The following PLXNA3 variants were observed in gnomAD, a reference collection of about 807,000 sequenced individuals.
PLXNA3 encodes plexin-A3.
PLXNA3 carries 52 observed loss-of-function variants against 118.8 expected under a neutral mutation model. The observed-to-expected ratio is 0.44, with a 90% CI of 0.35 to 0.55. PLXNA3 has a LOEUF of 0.55. PLXNA3 is among the 20% of genes least tolerant of loss of function. The pLI, the probability that PLXNA3 is intolerant of heterozygous loss-of-function variation, is 0.01. For synonymous variants in PLXNA3, 925 were observed against 762.4 expected, an observed-to-expected ratio of 1.21 and a Z score of -3.51; for missense variants, 1,660 against 1,730.8, an observed-to-expected ratio of 0.96 and a Z score of 0.73.
At chrX:154,462,974 C>T (rs2069002666) in intron 4 of PLXNA3, among the ~76,000 whole-genome samples, 1 of 111,354 alleles carries the variant, frequency 9.0e-6, no homozygotes, top group African/African-American at 3.3e-5. Context: ...GATGAACTCT[C>T]CTGGCCCACC....
At position 154,462,191 on chromosome X, in the gene PLXNA3, G is replaced by A; in HGVS notation, c.1198G>A (p.Val400Met). Residue 400 changes from valine to methionine, a missense_variant, in exon 4 of 33, where the codon GTG becomes ATG. Val to Met is a conservative substitution (Grantham distance 21). Around this residue, in one of 2 missense-constraint regions of PLXNA3, gnomAD observed 791 missense variants for 652.1 expected, o/e 1.21. Coordinates refer to ENST00000369682, the MANE Select transcript of PLXNA3 (RefSeq NM_017514.5). ...GAACCAGCCTCTGGGAGGCCTGCAT[G>A]TGATCGAGGGGCTGCCCCTGCTGGC... ...VLNQPLGGLHVIEGLPLLADS... is the reference protein window; with the variant it reads ...VLNQPLGGLHMIEGLPLLADS... 1.7e-6 allele frequency: 2 copies of A among 1,204,983 alleles called. No homozygotes were observed. Among genetic ancestry groups the A allele is most frequent in the Non-Finnish European group, 1.1e-6 (1 of 892,024 alleles).
rs1557206373 is a variant in PLXNA3 at position 154,464,799 on chromosome X, G to C, written c.1974G>C (p.Lys658Asn). ...GCCCTTACCCCTGCCACTGGTGTAA[G>C]TACCGCCACACGTGTACCAGCCGCC... is the stretch of plus-strand genomic sequence containing the variant. ...VGSPYPCHWC[K>N]YRHTCTSRPH... is the part of the protein sequence containing the mutation. The change falls in exon 10 of 33, where the codon AAG becomes AAC. Residue 658 changes from lysine (K) to asparagine (N), a missense_variant. Physicochemically the swap from Lys to Asn is moderately conservative, Grantham distance 94 (BLOSUM62 0). Coordinates refer to ENST00000369682, the MANE Select transcript of PLXNA3 (RefSeq NM_017514.5). The C allele has an allele frequency of 8.3e-7, 1 of 1,207,195 alleles. No homozygotes were observed. The highest frequency in any genetic ancestry group is 1.1e-6 in the Non-Finnish European group (1 of 893,214).
In PLXNA3 at chrX:154,475,842, A is replaced by T. The variant is rs1367005071; in HGVS notation, c.*3157A>T. The stretch of plus-strand genomic sequence containing the variant: ...CCCTCAGAAATGGATGGAATCTACC[A>T]GAAGCATCATGAGAGGAAGAGGAAG... On this transcript the variant is annotated 3_prime_UTR_variant, in exon 33 of 33. Coordinates refer to ENST00000369682, the MANE Select transcript of PLXNA3 (RefSeq NM_017514.5). 8.9e-6 allele frequency: 1 copy of T among 112,392 alleles called. No individual in the cohort carries two copies. Among genetic ancestry groups the T allele is most frequent in the Admixed American group, 9.4e-5 (1 of 10,600 alleles). The allele number at this position is 112,392 out of a possible 1,213,427, so 9.3% of individuals were successfully genotyped here.
Position 154,468,527 on chromosome X carries a change from G to C in PLXNA3, c.4188G>C (p.Glu1396Asp). 3.3e-6 allele frequency: 4 copies of C among 1,210,708 alleles called. No homozygotes were observed. The highest frequency in any genetic ancestry group is 4.5e-6 in the Non-Finnish European group (4 of 895,378). ...LLADLIEKNL[E>D]SKNHPKLLLR... ...CCGACCTCATCGAGAAGAACCTCGA[G>C]AGCAAGAACCACCCCAAGCTGCTGC... Residue 1396 changes from glutamate to aspartate, a missense_variant, in exon 23 of 33, where the codon GAG (glutamate) becomes GAC (aspartate). This residue lies in a region of PLXNA3 where 869 missense variants were observed against 1,078.7 expected (regional missense o/e 0.81). Coordinates refer to ENST00000369682, the MANE Select transcript of PLXNA3 (RefSeq NM_017514.5).
Position 154,463,376 on chromosome X carries a change from G to T in PLXNA3, c.1318-15G>T. The T allele has an allele frequency of 8.3e-7, 1 of 1,210,834 alleles. No individual in the cohort carries two copies. Among genetic ancestry groups the T allele is most frequent in the South Asian group, 1.8e-5 (1 of 56,935 alleles). ...CAGGAGGCTGTGGTGGCATCAGGCTGGTCTTGTGGCTCAGGTGCGGGTCGA... is the reference window on the plus strand; with the variant it reads ...CAGGAGGCTGTGGTGGCATCAGGCTTGTCTTGTGGCTCAGGTGCGGGTCGA... On this transcript the variant is annotated splice_polypyrimidine_tract_variant and intron_variant, in intron 4 of 32. Transcript: ENST00000369682.
rs1361372975 is a variant in PLXNA3 at position 154,464,713 on chromosome X, T to C, written c.1929-41T>C. ...CCTATTGGGGAGCAGTGAGGGGCAG[T>C]GCAGCCTCCTCTGTTATTTCTGAAG... On this transcript the variant is annotated intron_variant, in intron 9 of 32. Coordinates refer to ENST00000369682, the MANE Select transcript of PLXNA3 (RefSeq NM_017514.5). The C allele has an allele frequency of 9.6e-6, 9 of 941,644 alleles. No individual in the cohort carries two copies. The Middle Eastern group carries it at 8.0e-4, about 83-fold the overall frequency. The allele number at this position is 941,644 out of a possible 1,213,427, so 77.6% of individuals were successfully genotyped here.
chrX:154,461,046 G>T (rs782557602), intron 2 of PLXNA3, 53 bp from the exon 3 acceptor site: 20 of 1,045,537 alleles, frequency 1.9e-5, no homozygotes, highest in East Asian at 3.1e-5. Context: ...GCGGTGGCCC[G>T]TGATGTTGGC....
At position 154,461,527 on chromosome X, in the gene PLXNA3, C is replaced by T. The variant is rs141513831; in HGVS notation, c.1023C>T (p.Thr341=). ...GGCAGACCATCCTCTGCCTCTTCAC[C>T]CTCAGCAACATCAATGCCCACATCC... ...PPRQTILCLF[T]LSNINAHIRR... Residue 341 remains threonine (T), a synonymous_variant, in exon 3 of 33, where the codon ACC becomes ACT. Coordinates refer to ENST00000369682, the MANE Select transcript of PLXNA3 (RefSeq NM_017514.5). 2.7e-5 allele frequency: 33 copies of T among 1,210,328 alleles called. No individual in the cohort carries two copies. The highest frequency in any genetic ancestry group is 3.6e-5 in the Non-Finnish European group (32 of 895,049).
rs1304003037 is a variant in PLXNA3, at chrX:154,472,442, A to C, written c.5521-148A>C. 3 of 455,399 alleles carry C rather than the reference A, an allele frequency of 6.6e-6. No homozygotes were observed. In the East Asian group the frequency reaches 1.1e-4, roughly 16 times the overall value. 37.5% of individuals were successfully genotyped at this position (455,399 alleles called of 1,213,427 possible). A position where few individuals can be genotyped will look rare whatever the true frequency, so the allele number is the denominator to read the frequency against. On this transcript the variant is annotated intron_variant, in intron 32 of 32. Coordinates refer to ENST00000369682, the MANE Select transcript of PLXNA3 (RefSeq NM_017514.5). ...GTCGGAGGGGCATTTGGGGCTGGGG[A>C]GAGCTGGTGGGTTTGTACAGGGGCT...
intron 32 of PLXNA3, 76 bp from the exon 33 acceptor site, chrX:154,472,514 C>G (rs782807366): frequency 4.4e-6 from 3 of 680,510 alleles, no homozygotes; most frequent in South Asian, 4.5e-5. Flanking sequence ...AGGAGCCCAG[C>G]TGGGAAGTGG....
Position 154,473,008 on chromosome X carries a change from C to T in PLXNA3, c.*323C>T, listed in dbSNP as rs782757268. The T allele has an allele frequency of 3.6e-5, 7 of 196,535 alleles. No individual in the cohort carries two copies. The highest frequency in any genetic ancestry group is 5.8e-5 in the African/African-American group (2 of 34,601). 16.2% of individuals were successfully genotyped at this position (196,535 alleles called of 1,213,427 possible). A position where few individuals can be genotyped will look rare whatever the true frequency, so the allele number is the denominator to read the frequency against. On this transcript the variant is annotated 3_prime_UTR_variant, in exon 33 of 33. Transcript: ENST00000369682. ...TCTGCCTATTTATTGAATCGAACTT[C>T]GCCTCTGTCTCCATCTGTAAATATG...
At position 154,469,476 on chromosome X, in the gene PLXNA3, C is replaced by T. The variant is rs986252338; in HGVS notation, c.4692C>T (p.His1564=). Residue 1564 remains histidine (H), a synonymous_variant, in exon 27 of 33, where the codon CAC becomes CAT. Transcript: ENST00000369682. ...GGAAGAGGCTCAACTCACTGGCCCA[C>T]TACCAGGTGAGGGGTTGGGGCCCAT... ...CDWKRLNSLA[H]YQVTDGSLVA... The T allele has an allele frequency of 8.4e-7, 1 of 1,197,175 alleles. No homozygotes were observed. The highest frequency in any genetic ancestry group is 1.1e-6 in the Non-Finnish European group (1 of 882,762).
rs1263450195 is a variant in PLXNA3, at chrX:154,474,047, T to C, written c.*1362T>C. The C allele has an allele frequency of 1.8e-5, 2 of 112,053 alleles. No individual in the cohort carries two copies. Among genetic ancestry groups the C allele is most frequent in the South Asian group, 3.6e-4 (1 of 2,740 alleles). The allele number at this position is 112,053 out of a possible 1,213,427, so 9.2% of individuals were successfully genotyped here. A position where few individuals can be genotyped will look rare whatever the true frequency, so the allele number is the denominator to read the frequency against. On this transcript the variant is annotated 3_prime_UTR_variant, in exon 33 of 33. Coordinates refer to ENST00000369682, the MANE Select transcript of PLXNA3 (RefSeq NM_017514.5). ...AGCCAGCTCCTTCAAAACCTGACAA[T>C]TGCATACTGTCGAGGTTGTGGCACC...
In PLXNA3 at chrX:154,472,727, C is replaced by T. The variant is rs782109079; in HGVS notation, c.*42C>T. On this transcript the variant is annotated 3_prime_UTR_variant, in exon 33 of 33. Transcript: ENST00000369682. The stretch of plus-strand genomic sequence containing the variant: ...AGGAGGGGGCTTCTCAGTCCTGTGC[C>T]GTCCTCCCATCCAGGGGAGTGGCTG... The T allele has an allele frequency of 5.5e-5, 54 of 988,275 alleles. No homozygotes were observed. The highest frequency in any genetic ancestry group is 7.3e-5 in the Non-Finnish European group (51 of 694,561). The allele number at this position is 988,275 out of a possible 1,213,427, so 81.4% of individuals were successfully genotyped here. A position where few individuals can be genotyped will look rare whatever the true frequency, so the allele number is the denominator to read the frequency against.
Position 154,467,246 on chromosome X carries a change from C to T in PLXNA3, c.3216C>T (p.Ile1072=), listed in dbSNP as rs782120298. 8.3e-6 allele frequency: 10 copies of T among 1,209,122 alleles called. No homozygotes were observed. Among genetic ancestry groups the T allele is most frequent in the Non-Finnish European group, 1.1e-5 (10 of 894,841 alleles). Residue 1072 remains isoleucine (I), a synonymous_variant, in exon 19 of 33, where the codon ATC becomes ATT. Coordinates refer to ENST00000369682, the MANE Select transcript of PLXNA3 (RefSeq NM_017514.5). The part of the protein sequence containing the change: ...GIETTNTCQV[I]NDTAMLCKAP... Reference sequence around the variant, plus strand: ...TGTCCCCACAGACATGCCAAGTGATCAACGACACTGCCATGCTGTGTAAGG... The same window carrying T: ...TGTCCCCACAGACATGCCAAGTGATTAACGACACTGCCATGCTGTGTAAGG...
At position 154,468,079 on chromosome X, in the gene PLXNA3, C is replaced by T. The variant is rs782195044; in HGVS notation, c.3821-3C>T. ...CCACTCATTCCCTCTCTCCACCCCC[C>T]AGCTTTTGCAGAGCTGCAGACGGAC... On this transcript the variant is annotated splice_region_variant and splice_polypyrimidine_tract_variant and intron_variant, in intron 21 of 32. Coordinates refer to ENST00000369682, the MANE Select transcript of PLXNA3 (RefSeq NM_017514.5). 13 of 1,190,189 alleles carry T rather than the reference C, an allele frequency of 1.1e-5. No homozygotes were observed. Among genetic ancestry groups the T allele is most frequent in the Admixed American group, 4.5e-5 (2 of 44,922 alleles).
In PLXNA3 at chrX:154,460,761, C is replaced by T. The variant is rs200421034; in HGVS notation, c.578C>T (p.Ala193Val). 2.1e-4 allele frequency: 240 copies of T among 1,117,788 alleles called. 1 individual carries two copies. The highest frequency in any genetic ancestry group is 1.3e-3 in the South Asian group (59 of 46,359). 92.1% of individuals were successfully genotyped at this position (1,117,788 alleles called of 1,213,427 possible). ...SRKLISDEDS[A>V]DMFSLVYQDE... ...AAGCTCATCAGTGATGAAGACAGCGCGGACATGTTCAGTCTCGTGCGTGAG... is the reference window on the plus strand; with the variant it reads ...AAGCTCATCAGTGATGAAGACAGCGTGGACATGTTCAGTCTCGTGCGTGAG... The change falls in exon 2 of 33, where the codon GCG (alanine) becomes GTG (valine). Residue 193 changes from alanine (A) to valine (V), a missense_variant. Transcript: ENST00000369682.
chrX:154,458,899 AC>A (rs1603388631), intron 1 of PLXNA3, among the ~76,000 whole-genome samples: 1 of 111,196 alleles, frequency 9.0e-6, no homozygotes, highest in African/African-American at 3.3e-5. Flanking sequence ...CTCCCTCCCG[AC>A]CTGTCCCCAG....
chrX:154,469,039 G>T lies in PLXNA3; in HGVS notation c.4435-17G>T. ...GGCCTCGCCCCAGACTGACACTGGA[G>T]TCCGCTTTCCCCTCAGACCCTTCAC... On this transcript the variant is annotated splice_polypyrimidine_tract_variant and intron_variant, in intron 25 of 32. Transcript: ENST00000369682. The T allele has an allele frequency of 8.3e-7, 1 of 1,210,795 alleles. No individual in the cohort carries two copies. Among genetic ancestry groups the T allele is most frequent in the Non-Finnish European group, 1.1e-6 (1 of 894,938 alleles).
Sources: allele counts gnomAD v4.1 joint callset (sites outside exome capture counted in the v4.1 genomes callset), GRCh38; gene constraint gnomAD v4.1.1; regional missense constraint gnomAD v4.1.1; transcripts MANE v1.5; gene names NCBI Gene and HGNC (gene_info 2026-07-23, HGNC 2026-07-21).